HIPK2: variants seen among roughly 807,000 people sequenced by gnomAD.
The protein encoded by HIPK2 is homeodomain interacting protein kinase 2.
In HIPK2, 27 loss-of-function variants were observed where a neutral mutation model predicts 113.7. The observed-to-expected ratio is 0.24, with a 90% CI of 0.17 to 0.33. HIPK2 has a LOEUF of 0.33. Among genes scored for constraint, HIPK2 ranks in the 10% least tolerant of loss-of-function variants. The probability of loss-of-function intolerance (pLI) is 1.00; values close to 1 mark genes in which losing one functional copy is unlikely to be tolerated. For synonymous variants in HIPK2, 631 were observed against 642.2 expected, an observed-to-expected ratio of 0.98 and a Z score of 0.26; for missense variants, 1,257 against 1,588.0, an observed-to-expected ratio of 0.79 and a Z score of 3.54.
intron 1 of HIPK2, among the ~76,000 whole-genome samples, chr7:139,761,258 AG>A (rs1161268800): frequency 6.6e-6 from 1 of 152,248 alleles, no homozygotes; most frequent in Non-Finnish European, 1.5e-5. Flanking sequence ...AACCCAAGGA[AG>A]GTATGGTTCA....
chr7:139,621,148 T>C (rs553718979), intron 6 of HIPK2, among the ~76,000 whole-genome samples: 2 of 152,346 alleles, frequency 1.3e-5, no homozygotes, highest in East Asian at 1.9e-4. Context: ...TAATTAATAA[T>C]AGTGGTTAAC....
intron 12 of HIPK2, among the ~76,000 whole-genome samples, chr7:139,584,646 C>T (rs975598686): frequency 6.6e-5 from 10 of 152,232 alleles, no homozygotes; most frequent in South Asian, 2.1e-4. Context: ...CTGCAGAGAA[C>T]GCAGAGCTAG....
At chr7:139,726,218 G>A (rs145240342) in intron 1 of HIPK2, among the ~76,000 whole-genome samples, 135 of 152,356 alleles carry the variant, frequency 8.9e-4, no homozygotes, top group African/African-American at 3.1e-3. Context: ...AAGTGGCCTT[G>A]AGTAAGAAGA....
rs116069338 is a variant in HIPK2, at chr7:139,660,891, C to A, written c.1104-29166G>T. The stretch of plus-strand genomic sequence containing the variant: ...TGGTATGAGCACAAAAGGGGAGCTA[C>A]GCACCATTAACAAGGAAACAGAATC... On this transcript the variant is annotated intron_variant, in intron 2 of 14. Coordinates refer to ENST00000406875, the MANE Select transcript of HIPK2 (RefSeq NM_022740.5). Among the ~76,000 whole-genome samples, 560 of 152,282 alleles carry A rather than the reference C, an allele frequency of 3.7e-3. 4 individuals carry two copies. Among genetic ancestry groups the A allele is most frequent in the African/African-American group, 0.013 (535 of 41,538 alleles).
intron 1 of HIPK2, among the ~76,000 whole-genome samples, chr7:139,759,669 G>A (rs1000586628): frequency 7.2e-5 from 11 of 152,250 alleles, no homozygotes; most frequent in South Asian, 2.1e-4. Context: ...AAGTTAAGAC[G>A]TAGAACAACA....
chr7:139,720,659 A>G (rs1795381497), intron 1 of HIPK2, among the ~76,000 whole-genome samples: 1 of 152,250 alleles, frequency 6.6e-6, no homozygotes, highest in Non-Finnish European at 1.5e-5. Context: ...TGTTGTATAC[A>G]ATATAGAAAT....
chr7:139,624,997 G>A (rs561090042), intron 6 of HIPK2, among the ~76,000 whole-genome samples: 2 of 152,230 alleles, frequency 1.3e-5, no homozygotes, highest in South Asian at 2.1e-4. Flanking sequence ...CCTCCACCTC[G>A]TTCTCAACAG....
At position 139,713,159 on chromosome 7, in the gene HIPK2, C is replaced by T. The variant is rs1168533020; in HGVS notation, c.1103+2773G>A. The stretch of plus-strand genomic sequence containing the variant: ...GGGCCAGATGTGACTGTGCCTGTCA[C>T]GAAGTGGGGAAAAGAGGGCTCCTGA... On this transcript the variant is annotated intron_variant, in intron 2 of 14. Transcript: ENST00000406875. Among the ~76,000 whole-genome samples, 3 of 152,020 alleles carry T rather than the reference C, an allele frequency of 2.0e-5. No homozygotes were observed. The East Asian group carries it at 5.8e-4, about 29-fold the overall frequency.
Position 139,565,705 on chromosome 7 carries a change from T to TTTTTTTTTTTC in HIPK2, c.*7211_*7221dup, listed in dbSNP as rs778926993. ...CTTGTCTTTCTTCCACCTCTACTTC[T>TTTTTTTTTTTC]TTTTTTTTTTCTTTTTTTTTTCTTT... is the stretch of plus-strand genomic sequence containing the variant. On this transcript the variant is annotated 3_prime_UTR_variant, in exon 15 of 15. Transcript: ENST00000406875. 2 of 143,528 alleles carry TTTTTTTTTTTC rather than the reference T, an allele frequency of 1.4e-5. No homozygotes were observed. The highest frequency in any genetic ancestry group is 2.6e-5 in the African/African-American group (1 of 37,772). The allele number at this position is 143,528 out of a possible 1,614,324, so 8.9% of individuals were successfully genotyped here.
At chr7:139,657,580 G>A (rs1315311780) in intron 2 of HIPK2, among the ~76,000 whole-genome samples, 2 of 152,086 alleles carry the variant, frequency 1.3e-5, no homozygotes, top group Non-Finnish European at 2.9e-5. Context: ...TTGGCCTCTG[G>A]ATTTACCCAG....
At chr7:139,648,592 T>G (rs10954651) in intron 2 of HIPK2, among the ~76,000 whole-genome samples, 47,238 of 151,998 alleles carry the variant, frequency 0.31, 7,546 homozygotes, top group South Asian at 0.35. Context: ...GCATCATTCC[T>G]GCTTGCACCT....
chr7:139,659,298 T>TTTTTAG (rs1801783895), intron 2 of HIPK2, among the ~76,000 whole-genome samples: 1 of 152,342 alleles, frequency 6.6e-6, no homozygotes, highest in South Asian at 2.1e-4. Flanking sequence ...TTTTCTACTC[T>TTTTTAG]AAAAGCATTC....
At position 139,575,338 on chromosome 7, in the gene HIPK2, C is replaced by T. The variant is rs1256013861; in HGVS notation, c.2966-50G>A. The T allele has an allele frequency of 4.0e-6, 6 of 1,515,832 alleles. No individual in the cohort carries two copies. The Admixed American group carries it at 1.3e-4, about 32-fold the overall frequency. 93.9% of individuals were successfully genotyped at this position (1,515,832 alleles called of 1,614,324 possible). ...AGATCAGTGGCAGGGTCCCAGCTGC[C>T]CAGAAGATGCTACCCCACCAGAGAA... On this transcript the variant is annotated intron_variant, in intron 13 of 14. Coordinates refer to ENST00000406875, the MANE Select transcript of HIPK2 (RefSeq NM_022740.5).
intron 2 of HIPK2, among the ~76,000 whole-genome samples, chr7:139,700,838 G>A (rs1357599988): frequency 1.3e-5 from 2 of 151,996 alleles, no homozygotes; most frequent in East Asian, 1.9e-4. Context: ...AACCCAGAGC[G>A]GCCTCCTCCT....
At chr7:139,717,775 G>A (rs953395581) in intron 1 of HIPK2, among the ~76,000 whole-genome samples, 3 of 151,628 alleles carry the variant, frequency 2.0e-5, no homozygotes, top group African/African-American at 7.3e-5. Context: ...ACCGAGTCTC[G>A]CTCTTGTCAC....
chr7:139,738,894 A>T (rs1476802013), intron 1 of HIPK2, among the ~76,000 whole-genome samples: 2 of 152,204 alleles, frequency 1.3e-5, no homozygotes, highest in Non-Finnish European at 2.9e-5. Flanking sequence ...GGAACCCAGG[A>T]TGTCCAAGAC....
chr7:139,636,068 C>T (rs1364331016), intron 2 of HIPK2, among the ~76,000 whole-genome samples: 4 of 152,316 alleles, frequency 2.6e-5, no homozygotes, highest in Non-Finnish European at 5.9e-5. Context: ...GCGTCACTGA[C>T]GCGCTGCACT....
intron 2 of HIPK2, among the ~76,000 whole-genome samples, chr7:139,708,867 C>CA (rs1434402710): frequency 6.6e-6 from 1 of 152,158 alleles, no homozygotes; most frequent in East Asian, 1.9e-4. Flanking sequence ...CTGCATGTCA[C>CA]ACATGGGCTT....
chr7:139,728,694 C>A (rs1795666502), intron 1 of HIPK2, among the ~76,000 whole-genome samples: 1 of 152,184 alleles, frequency 6.6e-6, no homozygotes. Flanking sequence ...GGGGGAAACA[C>A]AATTCAACCC....
Sources: gnomAD v4.1 joint callset for allele counts (sites outside exome capture counted in the v4.1 genomes callset) on GRCh38, gnomAD v4.1.1 for gene constraint, MANE v1.5 for transcripts, NCBI Gene and HGNC (gene_info 2026-07-23, HGNC 2026-07-21) for gene names.